Variants in SAMD8 observed in about 807,000 individuals in gnomAD.
SAMD8 encodes sphingomyelin synthase-related protein 1.
A neutral mutation model predicts 42.0 loss-of-function variants in SAMD8; 20 were observed. The observed-to-expected ratio is 0.48, with a 90% confidence interval of 0.34 to 0.69. SAMD8 has a LOEUF of 0.69. Ranked by LOEUF, SAMD8 falls within the 30% of genes least tolerant of loss-of-function variation. The pLI, the probability that SAMD8 is intolerant of heterozygous loss-of-function variation, is 0.01. For missense variants in SAMD8, 328 were observed against 511.6 expected, an observed-to-expected ratio of 0.64 and a Z score of 3.46; for synonymous variants, 162 against 173.0, an observed-to-expected ratio of 0.94 and a Z score of 0.50.
At chr10:75,148,345 G>GTTTTTTTTTTTTTTTTT (rs1564686963) in intron 1 of SAMD8, among the ~76,000 whole-genome samples, 1 of 104,006 alleles carries the variant, frequency 9.6e-6, no homozygotes, top group Admixed American at 1.1e-4. Context: ...AGCAATACCA[G>GTTTTTTTTTTTTTTTTT]CTTTTTTTTT....
At position 75,129,037 on chromosome 10, in the gene SAMD8, TA is replaced by T. The variant is rs201485683; in HGVS notation, c.-16+17324del. Among the ~76,000 whole-genome samples the T allele has an allele frequency of 5.3e-5, 8 of 150,992 alleles. No individual in the cohort carries two copies. The East Asian group carries it at 7.7e-4, about 15-fold the overall frequency. On this transcript the variant is annotated intron_variant, in intron 1 of 5. Transcript: ENST00000542569. ...ACTTCTTTCTGTATTCTGAATCACC[TA>T]AAAAAAAACCATCTCAACTGGATCT...
chr10:75,151,194 T>C (rs1398963684), intron 2 of SAMD8, 88 bp downstream of exon 2: 1 of 677,376 alleles, frequency 1.5e-6, no homozygotes, highest in Non-Finnish European at 2.3e-6. Context: ...ATATTGTTTC[T>C]TATTGTGGTA....
chr10:75,158,389 C>T (rs948252909), intron 2 of SAMD8, among the ~76,000 whole-genome samples: 1 of 151,936 alleles, frequency 6.6e-6, no homozygotes, highest in Non-Finnish European at 1.5e-5. Flanking sequence ...GTCAGGAATT[C>T]GAGACCAGCC....
chr10:75,142,419 A>G (rs1333464952), intron 1 of SAMD8, among the ~76,000 whole-genome samples: 1 of 151,900 alleles, frequency 6.6e-6, no homozygotes, highest in Admixed American at 6.6e-5. Flanking sequence ...CCCACAGTAC[A>G]TTGCTTTTTG....
intron 1 of SAMD8, 126 bp from the exon 2 acceptor site, chr10:75,150,388 C>T: frequency 1.4e-6 from 2 of 1,434,386 alleles, no homozygotes; most frequent in Non-Finnish European, 1.8e-6. Flanking sequence ...TCCCAAAGTG[C>T]TGGGGATTGT....
At chr10:75,135,958 G>A (rs1047821882) in intron 1 of SAMD8, among the ~76,000 whole-genome samples, 15 of 151,696 alleles carry the variant, frequency 9.9e-5, no homozygotes, top group African/African-American at 3.4e-4. Flanking sequence ...TAATCATATA[G>A]GCCTTAGTAA....
chr10:75,115,756 C>A (rs1848865298), intron 1 of SAMD8, among the ~76,000 whole-genome samples: 1 of 151,908 alleles, frequency 6.6e-6, no homozygotes, highest in Non-Finnish European at 1.5e-5. Context: ...CTGGCGAACA[C>A]GGTGAAACCC....
chr10:75,137,106 A>G (rs1394664147), intron 1 of SAMD8, among the ~76,000 whole-genome samples: 1 of 152,228 alleles, frequency 6.6e-6, no homozygotes, highest in African/African-American at 2.4e-5. Context: ...AGGGACTTGA[A>G]CAGATATTTG....
At chr10:75,147,718 G>T (rs998071396) in intron 1 of SAMD8, among the ~76,000 whole-genome samples, 2 of 152,194 alleles carry the variant, frequency 1.3e-5, no homozygotes, top group Non-Finnish European at 2.9e-5. Flanking sequence ...ATCCAAGGAT[G>T]AAGTAATTTA....
intron 4 of SAMD8, among the ~76,000 whole-genome samples, chr10:75,170,375 A>T (rs911456939): frequency 3.3e-5 from 5 of 152,196 alleles, no homozygotes; most frequent in Non-Finnish European, 7.3e-5. Context: ...GGGAAGATTA[A>T]GCAGCCAAAG....
At chr10:75,108,082 C>T (rs1362538762), upstream of SAMD8, 1 of 1,613,796 alleles carries the variant, frequency 6.2e-7, no homozygotes, top group Non-Finnish European at 8.5e-7. Context: ...TGGGCTGGCA[C>T]CCCCAGGTAG....
At chr10:75,122,864 C>T (rs1294780885) in intron 1 of SAMD8, among the ~76,000 whole-genome samples, 1 of 151,986 alleles carries the variant, frequency 6.6e-6, no homozygotes, top group Non-Finnish European at 1.5e-5. Context: ...TTATATGCTC[C>T]TGTGTTTTTT....
intron 1 of SAMD8, among the ~76,000 whole-genome samples, chr10:75,126,898 C>T (rs1325944475): frequency 6.6e-6 from 1 of 151,668 alleles, no homozygotes; most frequent in Non-Finnish European, 1.5e-5. Context: ...TTCAAAAAGT[C>T]TTCATTAGGC....
chr10:75,156,258 C>A (rs34126237), intron 2 of SAMD8, among the ~76,000 whole-genome samples: 28,632 of 151,846 alleles, frequency 0.19, 2,924 homozygotes, highest in East Asian at 0.26. Flanking sequence ...CCATTCCTCA[C>A]GAAAATGAAC....
In SAMD8 at chr10:75,177,478, C is replaced by A. The variant is rs1195782286; in HGVS notation, c.*786C>A. 6.6e-6 allele frequency: 1 copy of A among 152,128 alleles called. No individual in the cohort carries two copies. The highest frequency in any genetic ancestry group is 6.5e-5 in the Admixed American group (1 of 15,278). 9.4% of individuals were successfully genotyped at this position (152,128 alleles called of 1,614,324 possible). The stretch of plus-strand genomic sequence containing the variant: ...GTGGTATAGGTACCCAGAATAACTT[C>A]TTTGTGCTATAGTTGTTAGATGACA... On this transcript the variant is annotated 3_prime_UTR_variant, in exon 6 of 6. Coordinates refer to ENST00000542569, the MANE Select transcript of SAMD8 (RefSeq NM_001174156.2).
At chr10:75,114,532 A>T (rs2134414814) in intron 1 of SAMD8, among the ~76,000 whole-genome samples, 2 of 152,316 alleles carry the variant, frequency 1.3e-5, no homozygotes, top group Admixed American at 1.3e-4. Context: ...TACTTCTTCA[A>T]AACTTTGCTG....
intron 1 of SAMD8, chr10:75,150,194 T>A (rs10762663): frequency 1.3e-5 from 2 of 151,564 alleles, no homozygotes; most frequent in African/African-American, 2.4e-5. Context: ...GCACTGCAGC[T>A]TTGACCTCCC....
rs542251008 is a variant in SAMD8, at chr10:75,176,785, C to G, written c.*93C>G. 6.5e-6 allele frequency: 6 copies of G among 917,680 alleles called. No homozygotes were observed. The South Asian group carries it at 1.1e-4, about 17-fold the overall frequency. 56.8% of individuals were successfully genotyped at this position (917,680 alleles called of 1,614,324 possible). On this transcript the variant is annotated 3_prime_UTR_variant, in exon 6 of 6. Coordinates refer to ENST00000542569, the MANE Select transcript of SAMD8 (RefSeq NM_001174156.2). This position sits in a 1 kb window ranked among gnomAD's most constrained non-coding sequence, Gnocchi z 4.3. ...CTCCCCCTAGGTTGTTCTTAGATGC[C>G]TGGCTTATGTGTTGACAAAGTAAAG...
intron 2 of SAMD8, among the ~76,000 whole-genome samples, chr10:75,161,779 GCTTTGGGAGCA>G (rs1007887839): frequency 6.6e-6 from 1 of 151,914 alleles, no homozygotes; most frequent in African/African-American, 2.4e-5. Context: ...CTTTGGGAGC[GCTTTGGGAGCA>G]CTTTGGGAGG....
Sources: gnomAD v4.1 joint callset for allele counts (sites outside exome capture counted in the v4.1 genomes callset) on GRCh38, gnomAD v4.1.1 for gene constraint, Gnocchi (gnomAD v3.1) non-coding constraint, MANE v1.5 for transcripts, NCBI Gene and HGNC (gene_info 2026-07-23, HGNC 2026-07-21) for gene names.